Variants in CTBP2 observed in about 807,000 individuals in gnomAD.
CTBP2 encodes the protein C-terminal binding protein 2, also known as C-terminal-binding protein 2.
In CTBP2, 30 loss-of-function variants were observed where a neutral mutation model predicts 80.3. The observed-to-expected ratio is 0.37, with a 90% CI of 0.28 to 0.51. The LOEUF is 0.51. Ranked by LOEUF, CTBP2 falls within the 20% of genes least tolerant of loss-of-function variation. CTBP2 has a pLI of 0.93. For missense variants in CTBP2, 1,212 were observed against 1,375.3 expected (o/e 0.88, Z 1.88); for synonymous variants, 594 against 587.4 (o/e 1.01, Z -0.16).
chr10:125,124,319 C>T (rs1033342109), intron 1 of CTBP2, among the ~76,000 whole-genome samples: 13 of 152,210 alleles, frequency 8.5e-5, no homozygotes, highest in Non-Finnish European at 1.2e-4. Context: ...GCATACTCGA[C>T]GCTAGCACTC....
chr10:125,157,633 G>A (rs771401855), intron 1 of CTBP2, among the ~76,000 whole-genome samples: 1 of 150,916 alleles, frequency 6.6e-6, no homozygotes. Flanking sequence ...CCCTTTTACA[G>A]GGGGGCAGGG....
chr10:125,123,224 CG>C (rs999136283), intron 1 of CTBP2, among the ~76,000 whole-genome samples: 1 of 151,976 alleles, frequency 6.6e-6, no homozygotes, highest in African/African-American at 2.4e-5. Context: ...AAAAGGGCAA[CG>C]GGGGGATTCT....
chr10:125,111,920 T>A (rs187846805), intron 1 of CTBP2, among the ~76,000 whole-genome samples: 1 of 151,838 alleles, frequency 6.6e-6, no homozygotes, highest in East Asian at 1.9e-4. Flanking sequence ...AACACTGGAG[T>A]TGCTATGTAA....
intron 4 of CTBP2, chr10:124,996,455 C>T (rs66682442): frequency 0.13 from 19,689 of 152,666 alleles, 1,437 homozygotes; most frequent in Admixed American, 0.18. Flanking sequence ...AAGGAGAGCA[C>T]GACAGTCCCT....
intron 2 of CTBP2, among the ~76,000 whole-genome samples, chr10:125,089,186 C>T (rs950331584): frequency 3.9e-5 from 6 of 152,268 alleles, no homozygotes; most frequent in South Asian, 4.1e-4. Context: ...CTTTAAAAGA[C>T]GTGCTCTCGA....
chr10:125,159,905 ACGCCGCCGC>A (rs914402297), intron 1 of CTBP2: 18 of 147,988 alleles, frequency 1.2e-4, no homozygotes, highest in Middle Eastern at 4.1e-3. Flanking sequence ...CGTCGCCGAG[ACGCCGCCGC>A]CGCCGCCGCC....
intron 1 of CTBP2, among the ~76,000 whole-genome samples, chr10:125,151,277 C>A (rs1359999203): frequency 2.6e-5 from 4 of 152,166 alleles, no homozygotes; most frequent in African/African-American, 9.7e-5. Flanking sequence ...TGCGCTCGGA[C>A]AACCTCTAGT....
chr10:125,129,881 G>C (rs906377576), intron 1 of CTBP2, among the ~76,000 whole-genome samples: 1 of 152,036 alleles, frequency 6.6e-6, no homozygotes, highest in South Asian at 2.1e-4. Flanking sequence ...ACACGGTCAG[G>C]GTTGTTTGTG....
intron 2 of CTBP2, among the ~76,000 whole-genome samples, chr10:125,044,006 C>G (rs552759799): frequency 6.6e-6 from 1 of 152,262 alleles, no homozygotes; most frequent in East Asian, 1.9e-4. Flanking sequence ...GAGTGTGTCC[C>G]CGGAGAACTC....
intron 2 of CTBP2, among the ~76,000 whole-genome samples, chr10:125,040,524 T>C (rs1959377112): frequency 6.7e-6 from 1 of 149,654 alleles, no homozygotes; most frequent in Non-Finnish European, 1.5e-5. Context: ...GCCCACTCTA[T>C]TGTCTTCTGT....
chr10:125,092,886 C>T (rs549984997), intron 2 of CTBP2, among the ~76,000 whole-genome samples: 1 of 152,140 alleles, frequency 6.6e-6, no homozygotes, highest in Non-Finnish European at 1.5e-5. Context: ...GCACACACAG[C>T]GCCAGGAAAA....
At chr10:125,139,126 C>CT (rs927350189) in intron 1 of CTBP2, among the ~76,000 whole-genome samples, 76 of 152,230 alleles carry the variant, frequency 5.0e-4, no homozygotes, top group African/African-American at 1.8e-3. Flanking sequence ...AATCCCAGCA[C>CT]TTTGGGAAGC....
rs117580000 is a variant in CTBP2, at chr10:125,052,519, C to T, written c.-101-13364G>A. Among the ~76,000 whole-genome samples, 425 of 152,342 alleles carry T rather than the reference C, an allele frequency of 2.8e-3. 2 individuals carry two copies. The highest frequency in any genetic ancestry group is 3.6e-3 in the Non-Finnish European group (248 of 68,042). On this transcript the variant is annotated intron_variant, in intron 2 of 10. Coordinates refer to the CTBP2 transcript ENST00000337195. The stretch of plus-strand genomic sequence containing the variant: ...GGATTTCATTGTTTGGACCGTCCTG[C>T]CTTTGTGTTGTCTGTGTTAACAACA...
chr10:125,108,605 G>C (rs763651453), intron 2 of CTBP2, among the ~76,000 whole-genome samples: 1 of 152,078 alleles, frequency 6.6e-6, no homozygotes, highest in Non-Finnish European at 1.5e-5. Flanking sequence ...ACGTTCCACA[G>C]AGCAGAAAGG....
intron 3 of CTBP2, 133 bp from the exon 6 acceptor site, chr10:124,998,303 G>T (rs969714952): frequency 5.0e-6 from 5 of 994,110 alleles, no homozygotes; most frequent in South Asian, 1.6e-5. Context: ...TCTAGCAGAC[G>T]CGGGGCTGGG....
chr10:125,063,822 C>T (rs1844209307), intron 2 of CTBP2, among the ~76,000 whole-genome samples: 2 of 152,172 alleles, frequency 1.3e-5, no homozygotes, highest in South Asian at 4.1e-4. Context: ...GGCTATGTCA[C>T]AGCGATTCTC....
intron 1 of CTBP2, among the ~76,000 whole-genome samples, chr10:125,140,186 G>A (rs1437546836): frequency 6.6e-6 from 1 of 151,938 alleles, no homozygotes; most frequent in African/African-American, 2.4e-5. Context: ...GTTCACAGAC[G>A]ACCACCCAGA....
At chr10:124,991,925 T>A (rs561893514) in intron 8 of CTBP2, among the ~76,000 whole-genome samples, 1 of 148,064 alleles carries the variant, frequency 6.8e-6, no homozygotes, top group South Asian at 2.1e-4. Flanking sequence ...AACCGATTCG[T>A]GCATGGAAAA....
At chr10:125,033,977 C>A (rs1458686680) in intron 3 of CTBP2, among the ~76,000 whole-genome samples, 1 of 152,086 alleles carries the variant, frequency 6.6e-6, no homozygotes, top group Non-Finnish European at 1.5e-5. Flanking sequence ...CGGTGATGAA[C>A]CCCCAAACCC....
Sources: allele counts gnomAD v4.1 joint callset (sites outside exome capture counted in the v4.1 genomes callset), GRCh38; gene constraint gnomAD v4.1.1; transcripts MANE v1.5; gene names NCBI Gene and HGNC (gene_info 2026-07-23, HGNC 2026-07-21).